TCF4: variants seen among roughly 807,000 people sequenced by gnomAD.
TCF4 encodes the protein transcription factor 4.
Under a neutral mutation model 82.1 loss-of-function variants are expected in TCF4, and 3 were observed. The ratio of observed to expected loss-of-function variants is 0.04; its 90% CI spans 0.02 to 0.09. TCF4 has a LOEUF of 0.09. TCF4 is among the 10% of genes least tolerant of loss of function. TCF4 has a pLI of 1.00. For missense variants in TCF4, 518 were observed against 852.7 expected (o/e 0.61, Z 4.89); for synonymous variants, 276 against 309.6 (o/e 0.89, Z 1.14).
intron 6 of TCF4, among the ~76,000 whole-genome samples, chr18:55,375,995 T>C (rs1320193254): frequency 6.6e-6 from 1 of 151,544 alleles, no homozygotes; most frequent in Non-Finnish European, 1.5e-5. Flanking sequence ...ATCCATGTAT[T>C]ATTTTTATTA....
intron 15 of TCF4, among the ~76,000 whole-genome samples, chr18:55,246,335 T>C (rs2053167246): frequency 1.3e-5 from 2 of 152,020 alleles, no homozygotes; most frequent in South Asian, 4.1e-4. Flanking sequence ...GGCTCCAAGA[T>C]GCTAAACACC....
At chr18:55,514,216 G>A (rs1603618164) in intron 3 of TCF4, among the ~76,000 whole-genome samples, 1 of 152,012 alleles carries the variant, frequency 6.6e-6, no homozygotes, top group Admixed American at 6.6e-5. Flanking sequence ...AATGAACACT[G>A]ACATTCTTCA....
At chr18:55,400,840 AGCACTGCT>A (rs1325555706) in intron 6 of TCF4, 6 of 606,924 alleles carry the variant, frequency 9.9e-6, no homozygotes, top group Non-Finnish European at 1.3e-5. Context: ...GTTTCCATAT[AGCACTGCT>A]CACCCCTTTA....
At chr18:55,310,603 G>C (rs2072042864) in intron 8 of TCF4, among the ~76,000 whole-genome samples, 1 of 152,210 alleles carries the variant, frequency 6.6e-6, no homozygotes, top group Admixed American at 6.5e-5. Flanking sequence ...AAGCGCAGCA[G>C]TGGCAGGGAG....
chr18:55,310,706 C>T (rs552310112), intron 8 of TCF4, among the ~76,000 whole-genome samples: 3 of 152,268 alleles, frequency 2.0e-5, no homozygotes, highest in African/African-American at 7.2e-5. Context: ...TTAATCTTTT[C>T]TTGATAACAG....
At chr18:55,471,629 G>C (rs1334863671) in intron 3 of TCF4, among the ~76,000 whole-genome samples, 1 of 152,196 alleles carries the variant, frequency 6.6e-6, no homozygotes, top group East Asian at 1.9e-4. Flanking sequence ...AGCTGGGCAT[G>C]GTGGTGCACA....
chr18:55,361,135 T>C (rs138443112), intron 6 of TCF4, among the ~76,000 whole-genome samples: 2 of 152,194 alleles, frequency 1.3e-5, no homozygotes, highest in Non-Finnish European at 1.5e-5. Flanking sequence ...GACTTCCCTC[T>C]CCCCATCATC....
chr18:55,514,530 C>T (rs565257792), intron 3 of TCF4, among the ~76,000 whole-genome samples: 1 of 151,778 alleles, frequency 6.6e-6, no homozygotes, highest in South Asian at 2.1e-4. Flanking sequence ...AAGATGTAAA[C>T]GTGGTAACAG....
chr18:55,586,074 G>C, intron 2 of TCF4: 1 of 1,425,898 alleles, frequency 7.0e-7, no homozygotes, highest in Non-Finnish European at 9.3e-7. Flanking sequence ...TACGTTTCCT[G>C]GCAAAACTTC....
chr18:55,586,177 CAGCAGCAGCAGCAGCAGCAGCAG>C lies in TCF4; in HGVS notation c.72+845_73-826del. ...GGAGCAGCAGCAGCAGCAGCAGCAG[CAGCAGCAGCAGCAGCAGCAGCAG>C]CAGCAGCAGCAGCAGCAGCAGCAGC... is the stretch of plus-strand genomic sequence containing the variant. On this transcript the variant is annotated intron_variant, in intron 2 of 19. Coordinates refer to ENST00000354452, the MANE Select transcript of TCF4 (RefSeq NM_001083962.2). 98 of 512,418 alleles carry C rather than the reference CAGCAGCAGCAGCAGCAGCAGCAG, an allele frequency of 1.9e-4. 1 individual carries two copies. Among genetic ancestry groups the C allele is most frequent in the Middle Eastern group, 6.4e-4 (1 of 1,556 alleles). 31.7% of individuals were successfully genotyped at this position (512,418 alleles called of 1,614,324 possible).
intron 11 of TCF4, chr18:55,268,589 A>G (rs997212808): frequency 6.6e-6 from 1 of 152,138 alleles, no homozygotes; most frequent in Non-Finnish European, 1.5e-5. Context: ...AGGCTGCGAG[A>G]TAGCTCATCT....
At chr18:55,277,551 ATAGAAT>A (rs1170144658) in intron 9 of TCF4, among the ~76,000 whole-genome samples, 1 of 152,156 alleles carries the variant, frequency 6.6e-6, no homozygotes, top group Non-Finnish European at 1.5e-5. Context: ...GAAAGAAAGA[ATAGAAT>A]TAGATGTGTG....
rs115477927 is a variant in TCF4 at position 55,443,823 on chromosome 18, C to T, written c.304+17196G>A. On this transcript the variant is annotated intron_variant, in intron 5 of 19. Transcript: ENST00000354452. Reference sequence around the variant, plus strand: ...AATAGCGCCATTAACTCCTTATATGCCCTACAATAGTAACAGGGAAAAATT... The same window carrying T: ...AATAGCGCCATTAACTCCTTATATGTCCTACAATAGTAACAGGGAAAAATT... Among the ~76,000 whole-genome samples the T allele has an allele frequency of 1.1e-3, 170 of 152,292 alleles. 1 individual carries two copies. The highest frequency in any genetic ancestry group is 3.9e-3 in the African/African-American group (164 of 41,556).
At chr18:55,585,702 TG>T in intron 2 of TCF4, 1 of 1,053,982 alleles carries the variant, frequency 9.5e-7, no homozygotes, top group Non-Finnish European at 1.2e-6. Context: ...AGAAAAAAGT[TG>T]TTTTGTTTTA....
intron 6 of TCF4, among the ~76,000 whole-genome samples, chr18:55,367,840 A>C (rs1446380025): frequency 6.6e-6 from 1 of 152,252 alleles, no homozygotes; most frequent in East Asian, 1.9e-4. Context: ...TAAACTCTAG[A>C]TAAGATTTAG....
At position 55,480,304 on chromosome 18, in the gene TCF4, GGC is replaced by G. The variant is rs1324926120; in HGVS notation, c.146-16169_146-16168del. On this transcript the variant is annotated intron_variant, in intron 3 of 19. Transcript: ENST00000354452. The stretch of plus-strand genomic sequence containing the variant: ...AAAAAAAAAAAAAAAAAAGCGGGGG[GGC>G]GGGGGGAGGATATTATGTGTATTAC... 1.7e-3 allele frequency among the ~76,000 whole-genome samples: 219 copies of G among 127,512 alleles called. 12 individuals carry two copies. Among genetic ancestry groups the G allele is most frequent in the East Asian group, 5.0e-3 (19 of 3,830 alleles). 83.7% of individuals were successfully genotyped at this position (127,512 alleles called of 152,430 possible).
At chr18:55,370,470 TAGATAGAC>T (rs1380424359) in intron 6 of TCF4, among the ~76,000 whole-genome samples, 6 of 150,460 alleles carry the variant, frequency 4.0e-5, no homozygotes, top group Middle Eastern at 3.4e-3. Context: ...GATAGATAGA[TAGATAGAC>T]AGACATATAG....
In TCF4 at chr18:55,243,131, C is replaced by T. The variant is rs72627230; in HGVS notation, c.1351-8448G>A. On this transcript the variant is annotated intron_variant, in intron 15 of 19. Coordinates refer to ENST00000354452, the MANE Select transcript of TCF4 (RefSeq NM_001083962.2). The stretch of plus-strand genomic sequence containing the variant: ...TCCAAATATATTTTTAAAGAGCTGA[C>T]GCTTAACACAACTAAATAATATCCC... 0.02 allele frequency among the ~76,000 whole-genome samples: 2,989 copies of T among 152,218 alleles called. 231 individuals carry two copies. In the East Asian group the frequency reaches 0.25, roughly 13 times the overall value.
At chr18:55,527,318 G>T (rs1369386367) in intron 3 of TCF4, among the ~76,000 whole-genome samples, 1 of 152,224 alleles carries the variant, frequency 6.6e-6, no homozygotes. Context: ...CAGAGGGAGG[G>T]ACTGTAACAG....
Sources: gnomAD v4.1 joint callset for allele counts (sites outside exome capture counted in the v4.1 genomes callset) on GRCh38, gnomAD v4.1.1 for gene constraint, MANE v1.5 for transcripts, NCBI Gene and HGNC (gene_info 2026-07-23, HGNC 2026-07-21) for gene names.